The following RYR3 variants were observed in gnomAD, a reference collection of about 807,000 sequenced individuals.
RYR3 encodes the protein ryanodine receptor 3, also known as brain ryanodine receptor-calcium release channel.
RYR3 carries 207 observed loss-of-function variants against 584.3 expected under a neutral mutation model. The observed-to-expected ratio is 0.35, with a 90% CI of 0.32 to 0.40. RYR3 has a LOEUF of 0.40. Among genes scored for constraint, RYR3 ranks in the 10% least tolerant of loss-of-function variants. The pLI is 1.00. For missense variants in RYR3, 5,616 were observed against 6,089.2 expected (o/e 0.92, Z 2.59); for synonymous variants, 2,416 against 2,248.5 (o/e 1.07, Z -2.11).
chr15:33,792,504 C>G (rs1272272045), intron 67 of RYR3, among the ~76,000 whole-genome samples: 1 of 152,162 alleles, frequency 6.6e-6, no homozygotes, highest in Admixed American at 6.5e-5. Flanking sequence ...GCTGGACAGG[C>G]TGTGTGTCCC....
intron 67 of RYR3, among the ~76,000 whole-genome samples, chr15:33,792,448 C>T (rs548708500): frequency 6.6e-6 from 1 of 152,292 alleles, no homozygotes; most frequent in African/African-American, 2.4e-5. Flanking sequence ...TGCACCTTCC[C>T]TTCTCTCCCA....
chr15:33,426,451 T>C (rs1567213235), intron 1 of RYR3, among the ~76,000 whole-genome samples: 1 of 152,214 alleles, frequency 6.6e-6, no homozygotes, highest in African/African-American at 2.4e-5. Context: ...CTATTCCATA[T>C]TTTTTAGCCA....
intron 52 of RYR3, among the ~76,000 whole-genome samples, chr15:33,743,508 G>C (rs2070378299): frequency 6.6e-6 from 1 of 152,178 alleles, no homozygotes; most frequent in Admixed American, 6.5e-5. Flanking sequence ...AAGGTGGCCA[G>C]CTAGATTTGG....
At chr15:33,816,777 C>T (rs1175106133) in intron 74 of RYR3, 85 bp from the exon 75 acceptor site, 2 of 808,878 alleles carry the variant, frequency 2.5e-6, no homozygotes, top group Non-Finnish European at 4.1e-6. Context: ...AAAAGTCTGT[C>T]CTGCTTACTA....
intron 19 of RYR3, among the ~76,000 whole-genome samples, chr15:33,623,409 G>A (rs542889501): frequency 1.5e-4 from 22 of 149,526 alleles, no homozygotes; most frequent in African/African-American, 4.1e-4. Flanking sequence ...AATCTCCCTC[G>A]AGAAGAGTTG....
chr15:33,350,291 A>T (rs1973069746), intron 1 of RYR3, among the ~76,000 whole-genome samples: 1 of 152,112 alleles, frequency 6.6e-6, no homozygotes, highest in Non-Finnish European at 1.5e-5. Flanking sequence ...AGAGACTTAG[A>T]CTCCCACACA....
At chr15:33,813,397 C>A in intron 73 of RYR3, 70 bp from the exon 74 acceptor site, 1 of 1,347,774 alleles carries the variant, frequency 7.4e-7, no homozygotes, top group Non-Finnish European at 1.1e-6. Context: ...GAAGTCTGGG[C>A]TACAGGTGAC....
intron 38 of RYR3, among the ~76,000 whole-genome samples, chr15:33,694,406 G>A (rs1262832987): frequency 5.1e-5 from 6 of 116,646 alleles, no homozygotes; most frequent in Admixed American, 8.0e-5. Context: ...CATCACGCCC[G>A]GTTAATTTTT....
intron 71 of RYR3, 116 bp from the exon 72 acceptor site, chr15:33,810,862 G>C (rs771917922): frequency 1.8e-5 from 20 of 1,124,448 alleles, no homozygotes; most frequent in Non-Finnish European, 2.1e-5. Context: ...TTTTTCTTTT[G>C]TTCTTCTGAT....
chr15:33,612,651 T>A (rs2060253807), intron 18 of RYR3, among the ~76,000 whole-genome samples: 1 of 152,248 alleles, frequency 6.6e-6, no homozygotes, highest in African/African-American at 2.4e-5. Flanking sequence ...TGAGCCACTG[T>A]GCCCAGCCTA....
intron 36 of RYR3, among the ~76,000 whole-genome samples, chr15:33,664,814 T>C (rs1464510441): frequency 1.3e-5 from 2 of 152,098 alleles, no homozygotes; most frequent in African/African-American, 4.8e-5. Context: ...CACCATTTTA[T>C]GTTAATGGCA....
chr15:33,765,714 T>C (rs1329645802), intron 60 of RYR3, among the ~76,000 whole-genome samples: 3 of 151,786 alleles, frequency 2.0e-5, no homozygotes, highest in Non-Finnish European at 4.4e-5. Flanking sequence ...CAGTGTACAT[T>C]ATAGGGCCCA....
intron 54 of RYR3, 32 bp from the exon 55 acceptor site, chr15:33,748,436 G>A (rs762266545): frequency 1.2e-6 from 2 of 1,606,292 alleles, no homozygotes; most frequent in Non-Finnish European, 1.7e-6. Flanking sequence ...GAAAATAATG[G>A]CAACCCAGTG....
chr15:33,470,144 A>G (rs957092604), intron 1 of RYR3, among the ~76,000 whole-genome samples: 1 of 152,150 alleles, frequency 6.6e-6, no homozygotes, highest in African/African-American at 2.4e-5. Flanking sequence ...CCGATGACTA[A>G]AGAGAATCAT....
chr15:33,353,957 G>C (rs1316490608), intron 1 of RYR3, among the ~76,000 whole-genome samples: 1 of 152,184 alleles, frequency 6.6e-6, no homozygotes, highest in Non-Finnish European at 1.5e-5. Context: ...CCAGCCTTTT[G>C]AAAGATCCTT....
Position 33,613,320 on chromosome 15 carries a change from A to G in RYR3, c.2302A>G (p.Asn768Asp). The G allele has an allele frequency of 6.2e-7, 1 of 1,613,902 alleles. No individual in the cohort carries two copies. Among genetic ancestry groups the G allele is most frequent in the Non-Finnish European group, 8.5e-7 (1 of 1,179,824 alleles). Residue 768 changes from asparagine (N) to aspartate (D), a missense_variant, in exon 19 of 104, where the codon AAC (asparagine) becomes GAC (aspartate). Asn to Asp is a conservative substitution (Grantham distance 23). This residue lies in a region of RYR3 where 1,284 missense variants were observed against 1,344.6 expected (regional missense o/e 0.95). Transcript: ENST00000634891. ...GCAGCCCGTGCAGGGGATGTTTGAG[A>G]ACTTCAACACAGACGGGCTCTTCTT... Reference protein sequence around the residue: ...NGQPVQGMFENFNTDGLFFPV... With the variant: ...NGQPVQGMFEDFNTDGLFFPV...
chr15:33,313,089 G>T (rs907682113), intron 1 of RYR3, among the ~76,000 whole-genome samples: 2 of 152,168 alleles, frequency 1.3e-5, no homozygotes, highest in African/African-American at 4.8e-5. Context: ...AACCATGGGG[G>T]CAGTGACTCC....
intron 8 of RYR3, among the ~76,000 whole-genome samples, chr15:33,545,444 A>G (rs1160955904): frequency 2.6e-5 from 4 of 152,090 alleles, no homozygotes; most frequent in Non-Finnish European, 4.4e-5. Context: ...AATAAACATG[A>G]AGGTGACCTT....
chr15:33,314,376 A>G (rs1246726791), intron 1 of RYR3, among the ~76,000 whole-genome samples: 1 of 152,182 alleles, frequency 6.6e-6, no homozygotes, highest in Non-Finnish European at 1.5e-5. Context: ...CGCTGATCTG[A>G]AAGCAAGAAG....
Sources: allele counts gnomAD v4.1 joint callset (sites outside exome capture counted in the v4.1 genomes callset), GRCh38; gene constraint gnomAD v4.1.1; regional missense constraint gnomAD v4.1.1; transcripts MANE v1.5; gene names NCBI Gene and HGNC (gene_info 2026-07-23, HGNC 2026-07-21).